The following ZNF547 variants were observed in gnomAD, a reference collection of about 807,000 sequenced individuals.
The protein encoded by ZNF547 is zinc finger protein 547.
ZNF547 carries 4 observed loss-of-function variants against 7.7 expected under a neutral mutation model. That is an observed-to-expected ratio of 0.52 (90% confidence interval 0.26 to 1.20). The LOEUF (loss-of-function observed/expected upper bound fraction) is 1.20, where lower values mean the gene tolerates loss of function less well. Ranked by LOEUF, ZNF547 falls within the 50% of genes most tolerant of loss-of-function variation. ZNF547 has a pLI of 0.14. For synonymous variants in ZNF547, 166 were observed against 166.2 expected, an observed-to-expected ratio of 1.00 and a Z score of 0.01; for missense variants, 449 against 485.8, an observed-to-expected ratio of 0.92 and a Z score of 0.71.
At chr19:57,372,325 C>A (rs1379997637) in intron 3 of ZNF547, among the ~76,000 whole-genome samples, 3 of 152,162 alleles carry the variant, frequency 2.0e-5, no homozygotes, top group Non-Finnish European at 4.4e-5. Flanking sequence ...ATGTAGAAAT[C>A]TTCTGTGAAG....
chr19:57,365,390 C>A lies in ZNF547; in HGVS notation c.-13+1687C>A, dbSNP rs556462942. 5 of 667,944 alleles carry A rather than the reference C, an allele frequency of 7.5e-6. No homozygotes were observed. In the Admixed American group the frequency reaches 8.9e-5, roughly 12 times the overall value. The allele number at this position is 667,944 out of a possible 1,614,324, so 41.4% of individuals were successfully genotyped here. ...AGCTTATCTAAACTTAATGAAATTT[C>A]TTTTATATTTAAAAATAGTACATTC... On this transcript the variant is annotated intron_variant, in intron 1 of 3. Coordinates refer to ENST00000282282, the MANE Select transcript of ZNF547 (RefSeq NM_173631.4).
intron 2 of ZNF547, among the ~76,000 whole-genome samples, chr19:57,368,895 AGGAGAGACTGAACT>A (rs1357963562): frequency 2.0e-5 from 3 of 152,168 alleles, no homozygotes; most frequent in African/African-American, 7.2e-5. Flanking sequence ...CAGTGTTTAG[AGGAGAGACTGAACT>A]GGATTTTTAG....
In ZNF547 at chr19:57,378,103, C is replaced by T. The variant is rs1235456621; in HGVS notation, c.1127C>T (p.Ala376Val). The stretch of plus-strand genomic sequence containing the variant: ...ATTTGTCATCAGACAGTTCACACTG[C>T]AGCAAAGCAGTGCAGTGAATGTGGG... ...HLICHQTVHT[A>V]AKQCSECGKF... The change falls in exon 4 of 4, where the codon GCA (alanine) becomes GTA (valine). Residue 376 changes from alanine to valine, a missense_variant. Physicochemically the swap from Ala to Val is moderately conservative, Grantham distance 64. Transcript: ENST00000282282. 3.1e-6 allele frequency: 5 copies of T among 1,613,782 alleles called. No homozygotes were observed. The highest frequency in any genetic ancestry group is 1.7e-6 in the Non-Finnish European group (2 of 1,179,856).
chr19:57,363,634 T>G lies in ZNF547; in HGVS notation c.-82T>G, dbSNP rs916031786. 6.5e-6 allele frequency: 1 copy of G among 153,202 alleles called. No individual in the cohort carries two copies. The highest frequency in any genetic ancestry group is 2.4e-5 in the African/African-American group (1 of 41,468). The allele number at this position is 153,202 out of a possible 1,614,324, so 9.5% of individuals were successfully genotyped here. ...AGGACTGGGGACGGCGGTGTCCTTG[T>G]CTTGCCTTTGTCGCCCCCGCCCCTC... On this transcript the variant is annotated 5_prime_UTR_variant, in exon 1 of 4. Transcript: ENST00000282282.
rs1438586811 is a variant in ZNF547 at position 57,377,848 on chromosome 19, CA to C, written c.873del (p.Gly292GlufsTer44). 6.2e-7 allele frequency: 1 copy of C among 1,613,914 alleles called. No individual in the cohort carries two copies. Among genetic ancestry groups the C allele is most frequent in the East Asian group, 2.2e-5 (1 of 44,866 alleles). Reference protein sequence around the residue: ...SNLFRHYRIHTGKRSYGCSEC... With the variant: ...SNLFRHYRIHXGKRSYGCSEC... Reference sequence around the variant, plus strand: ...CTCTTTAGGCATTACAGAATTCATACAGGAAAAAGGTCTTATGGTTGCAGTG... The same window carrying C: ...CTCTTTAGGCATTACAGAATTCATACGGAAAAAGGTCTTATGGTTGCAGTG... On this transcript the variant is annotated frameshift_variant, in exon 4 of 4. Transcript: ENST00000282282. LOFTEE classifies it low-confidence loss of function (END_TRUNC).
intron 1 of ZNF547, among the ~76,000 whole-genome samples, chr19:57,366,486 A>C (rs1298668287): frequency 1.7e-4 from 26 of 151,092 alleles, no homozygotes; most frequent in Admixed American, 1.7e-3. Flanking sequence ...CTGGGATTAC[A>C]GGTGTGAGCC....
At position 57,378,304 on chromosome 19, in the gene ZNF547, G is replaced by T. The variant is rs1812524063; in HGVS notation, c.*119G>T. 2 of 899,742 alleles carry T rather than the reference G, an allele frequency of 2.2e-6. No individual in the cohort carries two copies. Among genetic ancestry groups the T allele is most frequent in the African/African-American group, 1.6e-5 (1 of 60,672 alleles). The allele number at this position is 899,742 out of a possible 1,614,324, so 55.7% of individuals were successfully genotyped here. On this transcript the variant is annotated 3_prime_UTR_variant, in exon 4 of 4. Transcript: ENST00000282282. ...GCCGTGAACGTGGGTAATTATGTAG[G>T]TACAGCTCTCCAGTCGCTATGTATC... is the stretch of plus-strand genomic sequence containing the variant.
Position 57,368,591 on chromosome 19 carries a change from G to T in ZNF547, c.24+12G>T. The T allele has an allele frequency of 6.2e-7, 1 of 1,613,924 alleles. No individual in the cohort carries two copies. Among genetic ancestry groups the T allele is most frequent in the Non-Finnish European group, 8.5e-7 (1 of 1,179,912 alleles). ...TGAACCCTGCACAGGTGAGTGGAGT[G>T]TTTTCTACCTTTCACCTACCAGTTA... On this transcript the variant is annotated intron_variant, in intron 2 of 3. Transcript: ENST00000282282.
Position 57,378,884 on chromosome 19 carries a change from A to AT in ZNF547, c.*704dup. Reference sequence around the variant, plus strand: ...TTCTTCAGTCCCTGGCGACCACCATATTTTTAAGTCATTATGACTCTGACT... The same window carrying AT: ...TTCTTCAGTCCCTGGCGACCACCATATTTTTTAAGTCATTATGACTCTGACT... On this transcript the variant is annotated 3_prime_UTR_variant, in exon 4 of 4. Transcript: ENST00000282282. 1.0e-5 allele frequency: 3 copies of AT among 292,262 alleles called. No homozygotes were observed. The highest frequency in any genetic ancestry group is 8.3e-4 in the Middle Eastern group (2 of 2,424). The allele number at this position is 292,262 out of a possible 1,614,324, so 18.1% of individuals were successfully genotyped here. A position where few individuals can be genotyped will look rare whatever the true frequency, so the allele number is the denominator to read the frequency against.
At chr19:57,365,099 TAAGAC>T (rs748545771) in intron 1 of ZNF547, 143 of 1,609,850 alleles carry the variant, frequency 8.9e-5, no homozygotes, top group South Asian at 1.1e-4. Flanking sequence ...CTTCATGACA[TAAGAC>T]AAGAAGATGG....
rs753598724 is a variant in ZNF547 at position 57,364,906 on chromosome 19, G to C, written c.-13+1203G>C. On this transcript the variant is annotated intron_variant, in intron 1 of 3. Coordinates refer to ENST00000282282, the MANE Select transcript of ZNF547 (RefSeq NM_173631.4). ...AGTTTTTGAAATGGAGTTTTTGCCA[G>C]CTGGGAAGGCAGAATCCAAAGACGA... 1.9e-6 allele frequency: 3 copies of C among 1,612,444 alleles called. No individual in the cohort carries two copies. In the African/African-American group the frequency reaches 4.0e-5, roughly 22 times the overall value.
intron 1 of ZNF547, among the ~76,000 whole-genome samples, chr19:57,365,866 T>C (rs1276694683): frequency 2.0e-5 from 3 of 151,050 alleles, no homozygotes; most frequent in East Asian, 3.9e-4. Context: ...TTCTTTCTTT[T>C]TTTTTTTTCT....
chr19:57,369,896 G>GTTTTTTTTTTTT (rs1300181023), intron 2 of ZNF547, among the ~76,000 whole-genome samples: 20 of 33,824 alleles, frequency 5.9e-4, no homozygotes, highest in South Asian at 1.8e-3. Flanking sequence ...TTGACTCACA[G>GTTTTTTTTTTTT]TTCTTTTTTT....
intron 1 of ZNF547, among the ~76,000 whole-genome samples, chr19:57,366,714 A>AT (rs35474214): frequency 0.24 from 36,034 of 152,040 alleles, 5,140 homozygotes; most frequent in South Asian, 0.35. Flanking sequence ...CCCGGCCCAG[A>AT]TAGGTTGATC....
intron 1 of ZNF547, chr19:57,364,964 C>A (rs1399197247): frequency 6.2e-7 from 1 of 1,613,080 alleles, no homozygotes; most frequent in Non-Finnish European, 8.5e-7. Context: ...ATAGCTCATG[C>A]TGCTCTCGAC....
chr19:57,366,114 C>T (rs527246264), intron 1 of ZNF547, among the ~76,000 whole-genome samples: 17 of 152,198 alleles, frequency 1.1e-4, no homozygotes, highest in South Asian at 4.2e-4. Context: ...CCGCTCGCCT[C>T]GGCCTCCCAA....
chr19:57,366,105 C>A (rs377205216), intron 1 of ZNF547, among the ~76,000 whole-genome samples: 1 of 147,054 alleles, frequency 6.8e-6, no homozygotes, highest in African/African-American at 2.5e-5. Flanking sequence ...CCTCGTGATC[C>A]GCTCGCCTCG....
intron 3 of ZNF547, among the ~76,000 whole-genome samples, chr19:57,372,407 TG>T (rs567266131): frequency 4.1e-4 from 63 of 152,324 alleles, no homozygotes; most frequent in African/African-American, 1.5e-3. Flanking sequence ...TCTCTTTCTG[TG>T]TCTTTCCCCT....
At chr19:57,376,395 T>C (rs966493390) in intron 3 of ZNF547, among the ~76,000 whole-genome samples, 1 of 152,114 alleles carries the variant, frequency 6.6e-6, no homozygotes, top group Non-Finnish European at 1.5e-5. Flanking sequence ...AATAATGAGA[T>C]GCAGATGAAC....
Sources: allele counts gnomAD v4.1 joint callset (sites outside exome capture counted in the v4.1 genomes callset), GRCh38; gene constraint gnomAD v4.1.1; transcripts MANE v1.5; gene names NCBI Gene and HGNC (gene_info 2026-07-23, HGNC 2026-07-21).